Variants in DAB1 observed in about 807,000 individuals in gnomAD.
DAB1 encodes DAB adaptor protein 1.
In DAB1, 15 loss-of-function variants were observed where a neutral mutation model predicts 64.6. That is an observed-to-expected ratio of 0.23 (90% CI 0.16 to 0.36). The LOEUF (loss-of-function observed/expected upper bound fraction) is 0.36, where lower values mean the gene tolerates loss of function less well. Among genes scored for constraint, DAB1 ranks in the 10% least tolerant of loss-of-function variants. DAB1 has a pLI of 1.00. For missense variants in DAB1, 596 were observed against 706.7 expected (o/e 0.84, Z 1.78); for synonymous variants, 235 against 251.9 (o/e 0.93, Z 0.64).
At chr1:57,612,100 C>T (rs1645733685) in intron 7 of DAB1, among the ~76,000 whole-genome samples, 1 of 152,122 alleles carries the variant, frequency 6.6e-6, no homozygotes. Flanking sequence ...CTATAAATGT[C>T]ACCTCCTAAG....
At chr1:58,124,344 T>A (rs1481234639) in intron 5 of DAB1, among the ~76,000 whole-genome samples, 1 of 152,130 alleles carries the variant, frequency 6.6e-6, no homozygotes, top group East Asian at 1.9e-4. Flanking sequence ...TTACAATATG[T>A]TATTTTCATC....
chr1:58,045,423 C>T (rs766371078), intron 5 of DAB1, among the ~76,000 whole-genome samples: 1 of 152,192 alleles, frequency 6.6e-6, no homozygotes, highest in African/African-American at 2.4e-5. Context: ...ACCCCAACTC[C>T]GCGAGCGGGG....
chr1:57,210,345 T>C (rs1270454840), intron 2 of DAB1, among the ~76,000 whole-genome samples: 2 of 152,164 alleles, frequency 1.3e-5, no homozygotes, highest in Admixed American at 1.3e-4. Flanking sequence ...AAATTTTCTG[T>C]CATATAATTC....
intron 6 of DAB1, among the ~76,000 whole-genome samples, chr1:57,679,346 A>G (rs1430653242): frequency 1.1e-4 from 16 of 152,210 alleles, no homozygotes. Flanking sequence ...GATTATTTCA[A>G]TAATAAGTGG....
chr1:58,110,423 T>A (rs1651906237), intron 5 of DAB1, among the ~76,000 whole-genome samples: 1 of 152,178 alleles, frequency 6.6e-6, no homozygotes, highest in Non-Finnish European at 1.5e-5. Context: ...AAAAACTAAC[T>A]GATAATTCTA....
chr1:57,884,453 T>C (rs945776788), upstream of DAB1, among the ~76,000 whole-genome samples: 11 of 152,182 alleles, frequency 7.2e-5, no homozygotes, highest in African/African-American at 2.7e-4. Flanking sequence ...TTTTAAAATG[T>C]TGGACTAGGT....
At chr1:58,121,610 G>A (rs1570379603) in intron 5 of DAB1, among the ~76,000 whole-genome samples, 1 of 152,026 alleles carries the variant, frequency 6.6e-6, no homozygotes, top group Non-Finnish European at 1.5e-5. Context: ...TCTGCACCAG[G>A]ACATCCTGTC....
chr1:58,235,881 A>G (rs1326842630), intron 4 of DAB1, among the ~76,000 whole-genome samples: 1 of 152,208 alleles, frequency 6.6e-6, no homozygotes, highest in Non-Finnish European at 1.5e-5. Flanking sequence ...CCAAAGAGAG[A>G]GAGGTCTTCT....
intron 11 of DAB1, 59 bp downstream of exon 11, chr1:57,023,472 C>T: frequency 1.0e-6 from 1 of 998,650 alleles, no homozygotes; most frequent in South Asian, 1.4e-5. Flanking sequence ...TCTGTAAACT[C>T]TTTCTCTCTC....
intron 5 of DAB1, among the ~76,000 whole-genome samples, chr1:58,027,897 C>T (rs1040618319): frequency 1.3e-5 from 2 of 152,016 alleles, no homozygotes; most frequent in African/African-American, 4.8e-5. Flanking sequence ...CATTTAATTC[C>T]CCTATGTGGA....
intron 5 of DAB1, among the ~76,000 whole-genome samples, chr1:57,987,533 A>G (rs1212414248): frequency 1.3e-5 from 2 of 152,222 alleles, no homozygotes; most frequent in Non-Finnish European, 2.9e-5. Flanking sequence ...GCCAAAAGTT[A>G]AGACATGTGC....
intron 4 of DAB1, among the ~76,000 whole-genome samples, chr1:58,260,096 T>A (rs1235698792): frequency 6.6e-6 from 1 of 152,014 alleles, no homozygotes; most frequent in Non-Finnish European, 1.5e-5. Context: ...TACTCCAAAA[T>A]CCACATGGCA....
intron 5 of DAB1, chr1:58,048,398 C>G: frequency 1.1e-6 from 1 of 932,154 alleles, no homozygotes; most frequent in Non-Finnish European, 1.8e-6. Context: ...ACTGCCACTG[C>G]CAAAGCTACC....
intron 6 of DAB1, among the ~76,000 whole-genome samples, chr1:57,726,369 A>G (rs1001004199): frequency 1.3e-5 from 2 of 152,188 alleles, no homozygotes; most frequent in African/African-American, 4.8e-5. Context: ...AATAGGGACT[A>G]GGAAAGCCTT....
chr1:57,620,666 GC>G (rs1645846343), intron 7 of DAB1, among the ~76,000 whole-genome samples: 1 of 152,174 alleles, frequency 6.6e-6, no homozygotes. Flanking sequence ...AAGATGTGCT[GC>G]CTGTCCTCAT....
At chr1:57,244,229 C>T (rs906549092) in intron 2 of DAB1, among the ~76,000 whole-genome samples, 3 of 152,268 alleles carry the variant, frequency 2.0e-5, no homozygotes, top group South Asian at 2.1e-4. Context: ...TTCGATTCTC[C>T]GAATAAACAG....
At chr1:58,383,263 G>A (rs1644405420) in intron 3 of DAB1, among the ~76,000 whole-genome samples, 1 of 152,166 alleles carries the variant, frequency 6.6e-6, no homozygotes, top group African/African-American at 2.4e-5. Context: ...GTAAGTGCAT[G>A]ACAGAGTCAA....
chr1:57,800,726 C>T (rs996172178), intron 6 of DAB1, among the ~76,000 whole-genome samples: 2 of 152,120 alleles, frequency 1.3e-5, no homozygotes, highest in East Asian at 3.9e-4. Flanking sequence ...TCACCCCCAC[C>T]CCAAATCCCT....
In DAB1 at chr1:57,502,335, A is replaced by AG. The variant is rs1420029472; in HGVS notation, n.625+147256_625+147257insC. On this transcript the variant is annotated intron_variant and non_coding_transcript_variant, in intron 7 of 20. Coordinates refer to the DAB1 transcript ENST00000485760. Reference sequence around the variant, plus strand: ...GTCCGTCTCAAAAAAAAAAAAAAAAAAAAGAAAGAAAGAAAGAAACCCACT... The same window carrying AG: ...GTCCGTCTCAAAAAAAAAAAAAAAAAGAAAGAAAGAAAGAAAGAAACCCACT... Among the ~76,000 whole-genome samples the AG allele has an allele frequency of 4.9e-3, 725 of 146,522 alleles. 5 individuals carry two copies. The highest frequency in any genetic ancestry group is 0.019 in the South Asian group (91 of 4,688).
Sources: gnomAD v4.1 joint callset for allele counts (sites outside exome capture counted in the v4.1 genomes callset) on GRCh38, gnomAD v4.1.1 for gene constraint, MANE v1.5 for transcripts, NCBI Gene and HGNC (gene_info 2026-07-23, HGNC 2026-07-21) for gene names.